NUP62CL: variants seen among roughly 807,000 people sequenced by gnomAD.
NUP62CL encodes the protein nucleoporin-62 C-terminal-like protein.
NUP62CL carries 13 observed loss-of-function variants against 15.3 expected under a neutral mutation model. The observed-to-expected ratio is 0.85, with a 90% CI of 0.55 to 1.35. NUP62CL has a LOEUF of 1.35. NUP62CL is among the 40% of genes most tolerant of loss of function. The pLI is 0.00. For missense variants in NUP62CL, 123 were observed against 130.6 expected, an observed-to-expected ratio of 0.94 and a Z score of 0.28; for synonymous variants, 54 against 49.2, an observed-to-expected ratio of 1.10 and a Z score of -0.41.
At chrX:107,199,275 G>C (rs991201714) in intron 1 of NUP62CL, among the ~76,000 whole-genome samples, 2 of 112,123 alleles carry the variant, frequency 1.8e-5, no homozygotes, top group Admixed American at 1.9e-4. Flanking sequence ...CAAGCAACTA[G>C]TAAGTGAAGG....
chrX:107,167,985 C>T (rs1926556538), intron 3 of NUP62CL, among the ~76,000 whole-genome samples: 1 of 111,228 alleles, frequency 9.0e-6, no homozygotes, highest in Non-Finnish European at 1.9e-5. Flanking sequence ...AGCTGAAAAT[C>T]CTGGATAAAT....
chrX:107,163,023 G>A (rs946098718), intron 4 of NUP62CL, among the ~76,000 whole-genome samples: 1 of 111,949 alleles, frequency 8.9e-6, no homozygotes. Context: ...ACAGGCTACA[G>A]AGCAGTACTG....
At chrX:107,177,332 A>G (rs1406773912) in intron 2 of NUP62CL, among the ~76,000 whole-genome samples, 1 of 111,839 alleles carries the variant, frequency 8.9e-6, no homozygotes, top group Non-Finnish European at 1.9e-5. Context: ...TTATAGATCA[A>G]AAGACTTAAT....
rs1487647871 is a variant in NUP62CL at position 107,160,419 on chromosome X, G to T, written c.195-6173C>A. On this transcript the variant is annotated intron_variant, in intron 4 of 8. Coordinates refer to ENST00000372466, the MANE Select transcript of NUP62CL (RefSeq NM_017681.3). ...CAGTAACCAAAACAGCATGGTACTG[G>T]TACCAAAACAGAGATATAGATCAAT... 1.9e-4 allele frequency among the ~76,000 whole-genome samples: 20 copies of T among 105,994 alleles called. No individual in the cohort carries two copies. In the South Asian group the frequency reaches 7.7e-3, roughly 41 times the overall value. The allele number at this position is 105,994 out of a possible 115,157, so 92.0% of individuals were successfully genotyped here. A position where few individuals can be genotyped will look rare whatever the true frequency, so the allele number is the denominator to read the frequency against.
intron 3 of NUP62CL, among the ~76,000 whole-genome samples, chrX:107,174,180 G>C (rs1926728667): frequency 1.1e-5 from 1 of 87,709 alleles, no homozygotes; most frequent in East Asian, 3.8e-4. Flanking sequence ...TTGACAGGGT[G>C]TTACTCCGTC....
At chrX:107,141,781 C>T (rs1331288178) in intron 8 of NUP62CL, among the ~76,000 whole-genome samples, 1 of 110,748 alleles carries the variant, frequency 9.0e-6, no homozygotes, top group East Asian at 2.8e-4. Context: ...ATTTTTAGGC[C>T]GAGTGTGGTG....
At chrX:107,199,582 ATTC>A (rs1336366821) in intron 1 of NUP62CL, among the ~76,000 whole-genome samples, 1 of 112,245 alleles carries the variant, frequency 8.9e-6, no homozygotes, top group Admixed American at 9.4e-5. Flanking sequence ...CAAATAGACT[ATTC>A]TTCTTTAGAG....
intron 7 of NUP62CL, among the ~76,000 whole-genome samples, chrX:107,152,059 T>TATATATATATATATATTCAG (rs1328845591): frequency 1.4e-5 from 1 of 69,006 alleles, no homozygotes; most frequent in Non-Finnish European, 2.4e-5. Context: ...GATATATATA[T>TATATATATATATATATTCAG]ATATATATAT....
intron 8 of NUP62CL, among the ~76,000 whole-genome samples, chrX:107,135,396 G>C (rs1925617078): frequency 8.9e-6 from 1 of 112,120 alleles, no homozygotes; most frequent in African/African-American, 3.2e-5. Context: ...CTAGAACATG[G>C]ATGTGGTAGC....
intron 1 of NUP62CL, among the ~76,000 whole-genome samples, chrX:107,195,961 G>C (rs1308531554): frequency 9.0e-6 from 1 of 111,272 alleles, no homozygotes; most frequent in African/African-American, 3.3e-5. Flanking sequence ...TCAAACCATG[G>C]TGGGTGTTTA....
At chrX:107,150,862 A>G (rs753285082) in intron 7 of NUP62CL, 2 of 341,200 alleles carry the variant, frequency 5.9e-6, no homozygotes, top group Admixed American at 3.1e-5. Context: ...ACACCGGATC[A>G]GTAGTGTCAG....
intron 3 of NUP62CL, among the ~76,000 whole-genome samples, chrX:107,172,133 G>A (rs375114481): frequency 5.8e-5 from 6 of 104,197 alleles, no homozygotes; most frequent in African/African-American, 2.1e-4. Flanking sequence ...AGACCAGCCT[G>A]GACAATGTAG....
At chrX:107,205,550 G>A (rs1246665155) in intron 1 of NUP62CL, among the ~76,000 whole-genome samples, 1 of 109,349 alleles carries the variant, frequency 9.1e-6, no homozygotes, top group Non-Finnish European at 1.9e-5. Context: ...ATAGAAAGAA[G>A]GGAAGCAGTT....
chrX:107,157,944 C>A (rs1602647499), intron 4 of NUP62CL, among the ~76,000 whole-genome samples: 3 of 106,349 alleles, frequency 2.8e-5, no homozygotes, highest in Admixed American at 1.0e-4. Context: ...ATCTACCAAG[C>A]AAATGGAAAA....
chrX:107,198,406 C>G (rs1010045771), intron 1 of NUP62CL, among the ~76,000 whole-genome samples: 7 of 111,714 alleles, frequency 6.3e-5, no homozygotes, highest in Admixed American at 1.9e-4. Context: ...GCAACCCACT[C>G]GAGTCCCCTT....
intron 7 of NUP62CL, among the ~76,000 whole-genome samples, chrX:107,151,891 G>A (rs1022423812): frequency 3.2e-4 from 33 of 104,154 alleles, no homozygotes; most frequent in Non-Finnish European, 5.3e-4. Flanking sequence ...TTAGCTGGGT[G>A]TGGTGGCGCA....
chrX:107,202,640 C>A (rs1927511306), intron 1 of NUP62CL: 1 of 95,879 alleles, frequency 1.0e-5, no homozygotes, highest in Admixed American at 1.2e-4. Flanking sequence ...TTACAGAATT[C>A]TTTGTTCCTT....
intron 2 of NUP62CL, among the ~76,000 whole-genome samples, chrX:107,181,979 T>C (rs983617626): frequency 8.9e-6 from 1 of 111,958 alleles, no homozygotes; most frequent in Non-Finnish European, 1.9e-5. Flanking sequence ...GAAACCTCTT[T>C]ACTATCTCTA....
At position 107,179,551 on chromosome X, in the gene NUP62CL, T is replaced by A. The variant is rs770574784; in HGVS notation, c.-47-4358A>T. Among the ~76,000 whole-genome samples the A allele has an allele frequency of 5.9e-3, 657 of 112,136 alleles. 1 individual carries two copies. Among genetic ancestry groups the A allele is most frequent in the Non-Finnish European group, 9.9e-3 (527 of 53,229 alleles). On this transcript the variant is annotated intron_variant, in intron 2 of 8. Coordinates refer to ENST00000372466, the MANE Select transcript of NUP62CL (RefSeq NM_017681.3). The stretch of plus-strand genomic sequence containing the variant: ...GTTTCTGAGTTACTTCACTTAGGCC[T>A]CTGGCTCCATCCATGATATCACAAA...
Sources: gnomAD v4.1 joint callset for allele counts (sites outside exome capture counted in the v4.1 genomes callset) on GRCh38, gnomAD v4.1.1 for gene constraint, MANE v1.5 for transcripts, NCBI Gene and HGNC (gene_info 2026-07-23, HGNC 2026-07-21) for gene names.